The following NUP98 variants were observed in gnomAD, a reference collection of about 807,000 sequenced individuals.
NUP98 encodes the protein nuclear pore complex protein Nup98-Nup96.
Under a neutral mutation model 191.9 loss-of-function variants are expected in NUP98, and 26 were observed. That is an observed-to-expected ratio of 0.14 (90% CI 0.10 to 0.19). The LOEUF is 0.19. Among genes scored for constraint, NUP98 ranks in the 10% least tolerant of loss-of-function variants. The pLI is 1.00. For synonymous variants in NUP98, 808 were observed against 778.4 expected (o/e 1.04, Z -0.63); for missense variants, 1,941 against 2,178.8 (o/e 0.89, Z 2.17).
intron 10 of NUP98, among the ~76,000 whole-genome samples, chr11:3,756,047 CTT>C (rs1353649249): frequency 6.6e-6 from 1 of 152,270 alleles, no homozygotes; most frequent in African/African-American, 2.4e-5. Context: ...CATTGAATCT[CTT>C]CTTTAATTCT....
chr11:3,760,778 C>T (rs1564896565), intron 9 of NUP98, 152 bp from the exon 10 acceptor site: 2 of 594,452 alleles, frequency 3.4e-6, no homozygotes, highest in Non-Finnish European at 5.7e-6. Flanking sequence ...TGAATAAAGG[C>T]TATCAAAAAA....
intron 12 of NUP98, among the ~76,000 whole-genome samples, chr11:3,737,947 A>C (rs1589843429): frequency 6.6e-6 from 1 of 151,982 alleles, no homozygotes; most frequent in East Asian, 1.9e-4. Context: ...CTATGCAAGG[A>C]GACTCAAGAA....
At chr11:3,691,909 G>A (rs1320578969) in intron 27 of NUP98, among the ~76,000 whole-genome samples, 7 of 152,276 alleles carry the variant, frequency 4.6e-5, no homozygotes, top group South Asian at 4.1e-4. Flanking sequence ...TGAATAGACA[G>A]CCATGTGCAG....
chr11:3,782,702 C>A (rs892560521), intron 1 of NUP98, among the ~76,000 whole-genome samples: 9 of 125,018 alleles, frequency 7.2e-5, no homozygotes, highest in African/African-American at 3.5e-4. Context: ...GTCACCATGC[C>A]TGTCTAATTA....
chr11:3,682,699 A>G (rs1164480462), intron 30 of NUP98, among the ~76,000 whole-genome samples: 3 of 152,254 alleles, frequency 2.0e-5, no homozygotes, highest in Non-Finnish European at 1.5e-5. Flanking sequence ...ATAATGTGAG[A>G]ACCACCAAAA....
chr11:3,689,341 A>G (rs1470262163), intron 28 of NUP98, among the ~76,000 whole-genome samples: 1 of 152,130 alleles, frequency 6.6e-6, no homozygotes, highest in Non-Finnish European at 1.5e-5. Flanking sequence ...CTTGGCTAAC[A>G]CGGTGAAACC....
intron 11 of NUP98, among the ~76,000 whole-genome samples, chr11:3,748,740 G>A (rs1394360367): frequency 2.6e-5 from 4 of 152,204 alleles, no homozygotes; most frequent in South Asian, 4.1e-4. Context: ...TCCTTAATTT[G>A]CCCGTACCAA....
intron 13 of NUP98, 84 bp from the exon 14 acceptor site, chr11:3,731,662 A>G: frequency 2.1e-6 from 2 of 933,264 alleles, no homozygotes; most frequent in Non-Finnish European, 3.0e-6. Flanking sequence ...CCAGATTTCA[A>G]TCCTCATCTT....
chr11:3,794,626 C>CTTTGT (rs1013875609), intron 1 of NUP98, among the ~76,000 whole-genome samples: 10 of 152,168 alleles, frequency 6.6e-5, no homozygotes, highest in East Asian at 3.9e-4. Context: ...CACACCACGC[C>CTTTGT]TTTGTTTTAA....
rs1473084325 is a variant in NUP98 at position 3,758,375 on chromosome 11, C to T, written c.1174+2164G>A. On this transcript the variant is annotated intron_variant, in intron 10 of 32. Coordinates refer to ENST00000324932, the MANE Select transcript of NUP98 (RefSeq NM_016320.5). ...AACAGTCCCATTACAGCAGGTACAACTTAAAAATGAAAAAATAGTCTACAA... is the reference window on the plus strand; with the variant it reads ...AACAGTCCCATTACAGCAGGTACAATTTAAAAATGAAAAAATAGTCTACAA... Among the ~76,000 whole-genome samples the T allele has an allele frequency of 2.6e-5, 4 of 151,572 alleles. No homozygotes were observed. In the East Asian group the frequency reaches 7.7e-4, roughly 29 times the overall value.
At chr11:3,727,930 G>A (rs1474626101) in intron 14 of NUP98, among the ~76,000 whole-genome samples, 1 of 152,094 alleles carries the variant, frequency 6.6e-6, no homozygotes, top group East Asian at 1.9e-4. Flanking sequence ...GGCCAAGTCA[G>A]AATAATCCCG....
At chr11:3,733,691 A>T (rs1486878580) in intron 13 of NUP98, among the ~76,000 whole-genome samples, 1 of 152,192 alleles carries the variant, frequency 6.6e-6, no homozygotes, top group Non-Finnish European at 1.5e-5. Flanking sequence ...TTATGGCTAA[A>T]TGATATTCCA....
chr11:3,702,307 ACACACACTCTCTCTCTCTCTCTCTCTCT>A (rs1350138093), intron 23 of NUP98, among the ~76,000 whole-genome samples, 128 bp downstream of exon 23: 327 of 57,928 alleles, frequency 5.6e-3, no homozygotes, highest in Non-Finnish European at 6.9e-3. Flanking sequence ...ACACACACAC[ACACACACTCTCTCTCTCTCTCTCTCTCT>A]CTCTCTCTCT....
chr11:3,706,395 A>G, intron 21 of NUP98, 50 bp downstream of exon 21: 1 of 1,555,128 alleles, frequency 6.4e-7, no homozygotes, highest in South Asian at 1.1e-5. Context: ...CAATGGAGAT[A>G]AAATATTAGT....
chr11:3,791,335 C>G (rs2082340351), intron 1 of NUP98, among the ~76,000 whole-genome samples: 1 of 150,130 alleles, frequency 6.7e-6, no homozygotes, highest in African/African-American at 2.5e-5. Flanking sequence ...CAGTTCAAAA[C>G]CAGCCTGGCC....
At chr11:3,794,138 C>T (rs1217255067) in intron 1 of NUP98, among the ~76,000 whole-genome samples, 1 of 152,074 alleles carries the variant, frequency 6.6e-6, no homozygotes, top group Non-Finnish European at 1.5e-5. Context: ...AAATATCCTA[C>T]AATATACAAC....
chr11:3,749,325 T>A (rs4910537), intron 11 of NUP98, among the ~76,000 whole-genome samples: 58,113 of 149,102 alleles, frequency 0.39, 11,409 homozygotes, highest in African/African-American at 0.48. Flanking sequence ...AAAAAAAAAA[T>A]AAATAAATAA....
chr11:3,708,719 G>A (rs1443795174), intron 20 of NUP98, among the ~76,000 whole-genome samples: 9 of 145,042 alleles, frequency 6.2e-5, no homozygotes, highest in African/African-American at 2.1e-4. Flanking sequence ...AAAAAAAGGT[G>A]TACTTAAAAA....
chr11:3,695,625 T>A lies in NUP98; in HGVS notation c.4010-19A>T, dbSNP rs943321799. 6.6e-7 allele frequency: 1 copy of A among 1,523,746 alleles called. No individual in the cohort carries two copies. Among genetic ancestry groups the A allele is most frequent in the African/African-American group, 1.4e-5 (1 of 71,672 alleles). The allele number at this position is 1,523,746 out of a possible 1,614,324, so 94.4% of individuals were successfully genotyped here. A position where few individuals can be genotyped will look rare whatever the true frequency, so the allele number is the denominator to read the frequency against. Reference sequence around the variant, plus strand: ...TGATCCCCTATAAGAGAAATGGAAGTTTTTTGGTTATTACTAAGGGTTTAT... The same window carrying A: ...TGATCCCCTATAAGAGAAATGGAAGATTTTTGGTTATTACTAAGGGTTTAT... On this transcript the variant is annotated intron_variant, in intron 25 of 32. Coordinates refer to ENST00000324932, the MANE Select transcript of NUP98 (RefSeq NM_016320.5).
Sources: allele counts gnomAD v4.1 joint callset (sites outside exome capture counted in the v4.1 genomes callset), GRCh38; gene constraint gnomAD v4.1.1; transcripts MANE v1.5; gene names NCBI Gene and HGNC (gene_info 2026-07-23, HGNC 2026-07-21).